VIPAS39: variants seen among roughly 807,000 people sequenced by gnomAD.
The protein encoded by VIPAS39 is VPS33B interacting protein, apical-basolateral polarity regulator, spe-39 homolog, also known as spermatogenesis-defective protein 39 homolog.
A neutral mutation model predicts 84.7 loss-of-function variants in VIPAS39; 63 were observed. The observed-to-expected ratio is 0.74, with a 90% CI of 0.61 to 0.92. VIPAS39 has a LOEUF of 0.92. Among genes scored for constraint, VIPAS39 ranks in the 40% least tolerant of loss-of-function variants. The pLI, the probability that VIPAS39 is intolerant of heterozygous loss-of-function variation, is 0.00. For missense variants in VIPAS39, 499 were observed against 604.5 expected, an observed-to-expected ratio of 0.83 and a Z score of 1.83; for synonymous variants, 192 against 216.5, an observed-to-expected ratio of 0.89 and a Z score of 0.99.
chr14:77,430,847 C>A (rs776694712), intron 16 of VIPAS39, among the ~76,000 whole-genome samples: 1 of 151,680 alleles, frequency 6.6e-6, no homozygotes, highest in Non-Finnish European at 1.5e-5. Flanking sequence ...AACACATAGA[C>A]CAGTGGAATA....
chr14:77,434,007 G>C (rs1033044012), intron 15 of VIPAS39, 76 bp from the exon 16 acceptor site: 11 of 1,488,514 alleles, frequency 7.4e-6, no homozygotes, highest in Non-Finnish European at 1.0e-5. Context: ...TTTTAGAAAA[G>C]ACAGACATTA....
At chr14:77,444,843 A>C (rs564440610) in intron 7 of VIPAS39, among the ~76,000 whole-genome samples, 1 of 151,966 alleles carries the variant, frequency 6.6e-6, no homozygotes, top group East Asian at 1.9e-4. Context: ...CAGCCTCCCA[A>C]AGTGCTGGGA....
rs1207853158 is a variant in VIPAS39 at position 77,441,281 on chromosome 14, G to A, written c.735-188C>T. On this transcript the variant is annotated intron_variant, in intron 10 of 19. Coordinates refer to ENST00000557658, the MANE Select transcript of VIPAS39 (RefSeq NM_001193315.2). ...CTGGCTGAACAAAAAGCAAGGACAA[G>A]AAGGTACTGCAAGGAACTAATAACT... The A allele has an allele frequency of 1.8e-5, 11 of 622,124 alleles. No individual in the cohort carries two copies. The Admixed American group carries it at 2.6e-4, about 15-fold the overall frequency. 38.5% of individuals were successfully genotyped at this position (622,124 alleles called of 1,614,324 possible).
intron 14 of VIPAS39, among the ~76,000 whole-genome samples, chr14:77,434,976 T>G (rs192740280): frequency 6.6e-6 from 1 of 151,938 alleles, no homozygotes; most frequent in East Asian, 1.9e-4. Context: ...ATCCATTTGA[T>G]ATTGTGGACC....
At chr14:77,435,429 A>AAAG in intron 13 of VIPAS39, 36 bp from the exon 14 acceptor site, 3 of 1,610,378 alleles carry the variant, frequency 1.9e-6, no homozygotes, top group East Asian at 2.2e-5. Context: ...AAAAAAAAAA[A>AAAG]CAATGTCCAT....
chr14:77,457,310 G>A lies in VIPAS39; in HGVS notation c.-1+185C>T, dbSNP rs2078975071. Reference sequence around the variant, plus strand: ...ATGTCCGCTTCCGAACCAATCGCTGGTGCTCACTCGCAGCCCCAGTCCCAA... The same window carrying A: ...ATGTCCGCTTCCGAACCAATCGCTGATGCTCACTCGCAGCCCCAGTCCCAA... On this transcript the variant is annotated intron_variant, in intron 1 of 19. Transcript: ENST00000557658. 3.3e-6 allele frequency: 5 copies of A among 1,535,702 alleles called. No homozygotes were observed. The East Asian group carries it at 1.2e-4, about 38-fold the overall frequency.
chr14:77,435,825 T>A lies in VIPAS39; in HGVS notation c.912+19A>T. 1 of 1,613,482 alleles carries A rather than the reference T, an allele frequency of 6.2e-7. No homozygotes were observed. Among genetic ancestry groups the A allele is most frequent in the Non-Finnish European group, 8.5e-7 (1 of 1,179,444 alleles). On this transcript the variant is annotated intron_variant, in intron 13 of 19. Transcript: ENST00000557658. ...AGCCTTGGCACTGAAGCAAAAGATA[T>A]AGAGATGAAGAGTCTAACCTCAATA... is the stretch of plus-strand genomic sequence containing the variant.
intron 1 of VIPAS39, among the ~76,000 whole-genome samples, chr14:77,454,581 G>C (rs964528669): frequency 4.0e-5 from 6 of 151,668 alleles, no homozygotes; most frequent in Non-Finnish European, 7.4e-5. Flanking sequence ...GGCTGAGGCA[G>C]GAGAATCGCT....
intron 8 of VIPAS39, among the ~76,000 whole-genome samples, 171 bp from the exon 9 acceptor site, chr14:77,443,323 G>C (rs2078731631): frequency 1.3e-5 from 2 of 152,174 alleles, no homozygotes; most frequent in Non-Finnish European, 2.9e-5. Flanking sequence ...TGTGTCTTGA[G>C]AGTCCACACA....
intron 1 of VIPAS39, chr14:77,457,122 C>T: frequency 7.1e-7 from 1 of 1,415,508 alleles, no homozygotes; most frequent in Non-Finnish European, 9.2e-7. Flanking sequence ...TTTCAATTAT[C>T]TTCCGAGCCA....
intron 1 of VIPAS39, chr14:77,457,052 C>T: frequency 7.4e-7 from 1 of 1,359,208 alleles, no homozygotes; most frequent in Admixed American, 3.2e-5. Context: ...GCAAGAAAAC[C>T]ACAACATGCT....
At chr14:77,457,243 C>T in intron 1 of VIPAS39, 1 of 1,532,632 alleles carries the variant, frequency 6.5e-7, no homozygotes, top group East Asian at 2.4e-5. Context: ...TCGTCAGAGC[C>T]CAGCGGATCC....
chr14:77,439,619 C>T (rs998721631), intron 11 of VIPAS39, among the ~76,000 whole-genome samples: 6 of 152,066 alleles, frequency 3.9e-5, no homozygotes, highest in African/African-American at 1.4e-4. Flanking sequence ...AGACCCCCGT[C>T]TCTACAAAAA....
At position 77,435,349 on chromosome 14, in the gene VIPAS39, G is replaced by T. The variant is rs1288401177; in HGVS notation, c.957C>A (p.Phe319Leu). The T allele has an allele frequency of 1.2e-6, 2 of 1,610,278 alleles. No homozygotes were observed. The highest frequency in any genetic ancestry group is 2.7e-5 in the African/African-American group (2 of 74,116). Residue 319 changes from phenylalanine (F) to leucine (L), a missense_variant, in exon 14 of 20, where the codon TTC (phenylalanine) becomes TTA (leucine). Phe to Leu is a conservative substitution (Grantham distance 22). Coordinates refer to ENST00000557658, the MANE Select transcript of VIPAS39 (RefSeq NM_001193315.2). Reference sequence around the variant, plus strand: ...TGGAGGCTTTGCGGGGGTGCTTTCGGAAGATCTCAGTCTGTCCTGCTGATT... The same window carrying T: ...TGGAGGCTTTGCGGGGGTGCTTTCGTAAGATCTCAGTCTGTCCTGCTGATT... ...HLESAGQTEI[F>L]RKHPRKASIL... is the part of the protein sequence containing the mutation.
chr14:77,444,639 C>T (rs1055600812), intron 7 of VIPAS39, among the ~76,000 whole-genome samples: 1 of 152,088 alleles, frequency 6.6e-6, no homozygotes, highest in Non-Finnish European at 1.5e-5. Context: ...GTGGCTCAAT[C>T]TCGGCTCACT....
intron 3 of VIPAS39, among the ~76,000 whole-genome samples, chr14:77,452,119 T>A (rs982088271): frequency 6.6e-6 from 1 of 152,142 alleles, no homozygotes; most frequent in Non-Finnish European, 1.5e-5. Context: ...AATTTAATAC[T>A]ATGCTGCTAT....
intron 3 of VIPAS39, among the ~76,000 whole-genome samples, chr14:77,452,763 G>A (rs1284920891): frequency 1.7e-5 from 2 of 114,882 alleles, no homozygotes; most frequent in Admixed American, 2.3e-4. Flanking sequence ...CTAGGCAACA[G>A]AGTAAGACTC....
At chr14:77,435,109 T>C (rs1233062185) in intron 14 of VIPAS39, 150 bp downstream of exon 14, 12 of 1,241,728 alleles carry the variant, frequency 9.7e-6, no homozygotes, top group African/African-American at 3.0e-5. Context: ...TGAGGCCCTC[T>C]TACCCCTGGT....
intron 10 of VIPAS39, 81 bp downstream of exon 10, chr14:77,442,479 G>T: frequency 8.2e-7 from 1 of 1,216,226 alleles, no homozygotes; most frequent in Non-Finnish European, 1.2e-6. Context: ...GGCAGTTGGC[G>T]TCTTCTATTC....
Sources: gnomAD v4.1 joint callset for allele counts (sites outside exome capture counted in the v4.1 genomes callset) on GRCh38, gnomAD v4.1.1 for gene constraint, MANE v1.5 for transcripts, NCBI Gene and HGNC (gene_info 2026-07-23, HGNC 2026-07-21) for gene names.